Variants in PHC3 observed in about 807,000 individuals in gnomAD.
PHC3 encodes the protein polyhomeotic homolog 3.
In PHC3, 13 loss-of-function variants were observed where a neutral mutation model predicts 107.4. That is an observed-to-expected ratio of 0.12 (90% CI 0.08 to 0.19). The LOEUF (loss-of-function observed/expected upper bound fraction) is 0.19, where lower values mean the gene tolerates loss of function less well. Ranked by LOEUF, PHC3 falls within the 10% of genes least tolerant of loss-of-function variation. PHC3 has a pLI of 1.00. For synonymous variants in PHC3, 456 were observed against 427.4 expected, an observed-to-expected ratio of 1.07 and a Z score of -0.83; for missense variants, 992 against 1,210.9, an observed-to-expected ratio of 0.82 and a Z score of 2.68.
At chr3:170,160,575 C>A (rs1484632630) in intron 4 of PHC3, among the ~76,000 whole-genome samples, 5 of 152,118 alleles carry the variant, frequency 3.3e-5, no homozygotes, top group African/African-American at 1.2e-4. Context: ...TAGAATATAT[C>A]CTAAAATAAT....
intron 6 of PHC3, among the ~76,000 whole-genome samples, chr3:170,138,247 C>A (rs981816023): frequency 3.3e-5 from 5 of 151,944 alleles, no homozygotes; most frequent in Non-Finnish European, 5.9e-5. Flanking sequence ...TACTTCAGGC[C>A]AAACTTTTCA....
chr3:170,172,914 G>A (rs1292654571), intron 2 of PHC3, among the ~76,000 whole-genome samples: 10 of 152,068 alleles, frequency 6.6e-5, no homozygotes, highest in African/African-American at 2.4e-4. Context: ...CCAGTGGGCC[G>A]GGCACGGTGG....
At chr3:170,108,731 T>A (rs1007596755) in intron 11 of PHC3, among the ~76,000 whole-genome samples, 5 of 152,170 alleles carry the variant, frequency 3.3e-5, no homozygotes, top group African/African-American at 1.2e-4. Flanking sequence ...GAGAAGCCTA[T>A]AGGGAGACAG....
rs1436326394 is a variant in PHC3, at chr3:170,092,390, A to G, written c.*4840T>C. ...TTTTCCTAATACTGTATTTGTGCTT[A>G]TCTAAAGTGGATCACAATCTTTGAG... On this transcript the variant is annotated 3_prime_UTR_variant, in exon 15 of 15. Transcript: ENST00000495893. The G allele has an allele frequency of 1.3e-5, 2 of 152,214 alleles. No homozygotes were observed. Among genetic ancestry groups the G allele is most frequent in the East Asian group, 3.8e-4 (2 of 5,204 alleles). The allele number at this position is 152,214 out of a possible 1,614,324, so 9.4% of individuals were successfully genotyped here. A position where few individuals can be genotyped will look rare whatever the true frequency, so the allele number is the denominator to read the frequency against.
At chr3:170,102,103 G>A (rs1453374084) in intron 14 of PHC3, 166 of 958,682 alleles carry the variant, frequency 1.7e-4, no homozygotes, top group Non-Finnish European at 2.0e-4. Flanking sequence ...GGTTAAATTA[G>A]GAAATAAGGA....
intron 11 of PHC3, among the ~76,000 whole-genome samples, chr3:170,110,420 TTTAC>T (rs1262569625): frequency 1.3e-5 from 2 of 152,184 alleles, no homozygotes; most frequent in African/African-American, 4.8e-5. Flanking sequence ...TCTTAGTGCG[TTTAC>T]TTAGTGTTCT....
chr3:170,161,400 A>G (rs905937056), intron 4 of PHC3, among the ~76,000 whole-genome samples: 1 of 152,226 alleles, frequency 6.6e-6, no homozygotes, highest in African/African-American at 2.4e-5. Flanking sequence ...GGTTTCATGG[A>G]AGACAATTTT....
At chr3:170,147,902 A>T (rs535712140) in intron 5 of PHC3, 1 of 152,362 alleles carries the variant, frequency 6.6e-6, no homozygotes, top group East Asian at 1.9e-4. Flanking sequence ...AATAGCAACC[A>T]TCTCAAATGG....
intron 9 of PHC3, among the ~76,000 whole-genome samples, 184 bp downstream of exon 9, chr3:170,122,407 C>T (rs2108419132): frequency 6.6e-6 from 1 of 152,236 alleles, no homozygotes; most frequent in Non-Finnish European, 1.5e-5. Flanking sequence ...AGTTCAAGAC[C>T]AGCCTAAGCA....
At chr3:170,168,080 T>G (rs1213849568) in intron 4 of PHC3, among the ~76,000 whole-genome samples, 1 of 152,074 alleles carries the variant, frequency 6.6e-6, no homozygotes, top group South Asian at 2.1e-4. Flanking sequence ...GAGGATCACT[T>G]GAGCCTGGGA....
At chr3:170,178,329 G>A (rs920361692) in intron 2 of PHC3, among the ~76,000 whole-genome samples, 3 of 151,352 alleles carry the variant, frequency 2.0e-5, no homozygotes, top group African/African-American at 7.3e-5. Context: ...ATTTTTAGTA[G>A]AGACGGGGTT....
chr3:170,134,907 G>C lies in PHC3; in HGVS notation c.919+1512C>G, dbSNP rs1445799110. The stretch of plus-strand genomic sequence containing the variant: ...CCAGAAGGGACCATAAAAGTTCAGA[G>C]GGAGGAGAAATTTCTAACTAGGGTA... On this transcript the variant is annotated intron_variant, in intron 7 of 14. Coordinates refer to ENST00000495893, the MANE Select transcript of PHC3 (RefSeq NM_024947.4). Among the ~76,000 whole-genome samples, 4 of 152,138 alleles carry C rather than the reference G, an allele frequency of 2.6e-5. No homozygotes were observed. The East Asian group carries it at 7.7e-4, about 29-fold the overall frequency.
At chr3:170,100,175 G>A (rs1443722952) in intron 14 of PHC3, among the ~76,000 whole-genome samples, 3 of 152,082 alleles carry the variant, frequency 2.0e-5, no homozygotes, top group African/African-American at 7.2e-5. Context: ...GGTTAAAGAG[G>A]GAAGGAAGCC....
intron 8 of PHC3, 119 bp from the exon 9 acceptor site, chr3:170,122,863 T>C (rs1720613544): frequency 9.0e-7 from 1 of 1,107,602 alleles, no homozygotes; most frequent in African/African-American, 1.6e-5. Context: ...CAAAAATGAC[T>C]ACTCTAACAG....
intron 10 of PHC3, 129 bp from the exon 11 acceptor site, chr3:170,113,648 T>C: frequency 2.4e-6 from 2 of 816,908 alleles, no homozygotes; most frequent in South Asian, 2.0e-5. Context: ...CAGATCCATT[T>C]AGTAAGTGCC....
At chr3:170,151,376 T>C (rs1456530012) in intron 4 of PHC3, among the ~76,000 whole-genome samples, 1 of 152,148 alleles carries the variant, frequency 6.6e-6, no homozygotes, top group African/African-American at 2.4e-5. Flanking sequence ...ACTGGACTAA[T>C]ACATCCATGT....
At chr3:170,161,434 G>A (rs1211139268) in intron 4 of PHC3, among the ~76,000 whole-genome samples, 1 of 152,166 alleles carries the variant, frequency 6.6e-6, no homozygotes, top group Non-Finnish European at 1.5e-5. Flanking sequence ...TGGGGAAAAT[G>A]GGTTTTGGGA....
chr3:170,106,783 G>A, intron 12 of PHC3, 49 bp downstream of exon 12: 13 of 1,359,068 alleles, frequency 9.6e-6, no homozygotes, highest in Non-Finnish European at 1.3e-5. Flanking sequence ...TGGTTTAGTT[G>A]CAATGGCTAT....
chr3:170,136,704 T>TG, intron 6 of PHC3, 39 bp from the exon 7 acceptor site: 13 of 1,594,382 alleles, frequency 8.2e-6, no homozygotes, highest in Non-Finnish European at 1.1e-5. Flanking sequence ...TGAAAACAGA[T>TG]GGTTTTAATT....
Sources: allele counts gnomAD v4.1 joint callset (sites outside exome capture counted in the v4.1 genomes callset), GRCh38; gene constraint gnomAD v4.1.1; transcripts MANE v1.5; gene names NCBI Gene and HGNC (gene_info 2026-07-23, HGNC 2026-07-21).